Variants in HECTD4 observed in about 807,000 individuals in gnomAD.
HECTD4 encodes probable E3 ubiquitin-protein ligase HECTD4.
Under a neutral mutation model 471.5 loss-of-function variants are expected in HECTD4, and 114 were observed. The ratio of observed to expected loss-of-function variants is 0.24; its 90% CI spans 0.21 to 0.28. The LOEUF (loss-of-function observed/expected upper bound fraction) is 0.28, where lower values mean the gene tolerates loss of function less well. Among genes scored for constraint, HECTD4 ranks in the 10% least tolerant of loss-of-function variants. The pLI, the probability that HECTD4 is intolerant of heterozygous loss-of-function variation, is 1.00. For synonymous variants in HECTD4, 2,012 were observed against 2,256.0 expected, an observed-to-expected ratio of 0.89 and a Z score of 3.07; for missense variants, 3,866 against 5,651.5, an observed-to-expected ratio of 0.68 and a Z score of 10.13.
chr12:112,316,350 A>G (rs931575920), intron 2 of HECTD4, among the ~76,000 whole-genome samples: 1 of 152,106 alleles, frequency 6.6e-6, no homozygotes, highest in East Asian at 1.9e-4. Context: ...CTCCACAGTC[A>G]TTCTCTATCA....
In HECTD4 at chr12:112,172,781, T is replaced by C. The variant is rs370505974; in HGVS notation, c.11675A>G (p.Tyr3892Cys). 1 of 1,613,982 alleles carries C rather than the reference T, an allele frequency of 6.2e-7. No individual in the cohort carries two copies. Among genetic ancestry groups the C allele is most frequent in the South Asian group, 1.1e-5 (1 of 91,086 alleles). Residue 3892 changes from tyrosine (Y) to cysteine (C), a missense_variant, in exon 67 of 76, where the codon TAC (tyrosine) becomes TGC (cysteine). By Grantham distance (194) the Tyr-to-Cys change is radical (BLOSUM62 -2). Transcript: ENST00000682272. ...GAGGTGGCGGCATAGCTGGTTGATGTACTGCACAAGTGCCACGTCCATCTC... is the reference window on the plus strand; with the variant it reads ...GAGGTGGCGGCATAGCTGGTTGATGCACTGCACAAGTGCCACGTCCATCTC... ...TLEMDVALVQ[Y>C]INQLCRHLAI...
At chr12:112,232,934 T>C (rs1593958183) in intron 38 of HECTD4, 70 bp downstream of exon 38, 2 of 1,360,112 alleles carry the variant, frequency 1.5e-6, no homozygotes, top group Admixed American at 4.0e-5. Flanking sequence ...TCTTAATTTG[T>C]TCTGAAAATC....
rs1225676970 is a variant in HECTD4, at chr12:112,212,535, A to G, written c.7581T>C (p.Leu2527=). 1 of 1,613,894 alleles carries G rather than the reference A, an allele frequency of 6.2e-7. No individual in the cohort carries two copies. The highest frequency in any genetic ancestry group is 1.3e-5 in the African/African-American group (1 of 75,052). ...GCCACATGCCACCAGAGACGTCTTC[A>G]AGATATGGTGAGAGGCGCTGCCCGC... is the stretch of plus-strand genomic sequence containing the variant. The part of the protein sequence containing the change: ...TYCGQRLSPY[L]EDVSGGMWPV... Residue 2527 remains leucine, a synonymous_variant, in exon 49 of 76, where the codon CTT becomes CTC. Coordinates refer to ENST00000682272, the MANE Select transcript of HECTD4 (RefSeq NM_001388303.1).
intron 65 of HECTD4, among the ~76,000 whole-genome samples, chr12:112,176,117 T>C (rs1270819243): frequency 6.6e-6 from 1 of 152,238 alleles, no homozygotes; most frequent in African/African-American, 2.4e-5. Context: ...CCTCTTTCTA[T>C]GAATCTCTAA....
intron 38 of HECTD4, among the ~76,000 whole-genome samples, chr12:112,232,632 A>G (rs916972740): frequency 6.6e-6 from 1 of 152,020 alleles, no homozygotes; most frequent in South Asian, 2.1e-4. Flanking sequence ...ATATTTTTAT[A>G]TTTTTAATAA....
chr12:112,246,614 G>A (rs996881740), intron 29 of HECTD4, among the ~76,000 whole-genome samples: 17 of 152,116 alleles, frequency 1.1e-4, no homozygotes, highest in African/African-American at 3.6e-4. Context: ...TAGTCTGGGC[G>A]ACAGAGTGAG....
At position 112,248,003 on chromosome 12, in the gene HECTD4, C is replaced by CACAT. The variant is rs1226969315; in HGVS notation, c.4248+63_4248+64insATGT. ...ACACACACACACACACACACACACA[C>CACAT]ACAGTATATACCTTTGCTCTCTAAA... On this transcript the variant is annotated intron_variant, in intron 27 of 75. Transcript: ENST00000682272. The CACAT allele has an allele frequency of 7.1e-6, 8 of 1,133,566 alleles. No homozygotes were observed. The East Asian group carries it at 1.7e-4, about 25-fold the overall frequency. 70.2% of individuals were successfully genotyped at this position (1,133,566 alleles called of 1,614,324 possible).
rs1566110517 is a variant in HECTD4, at chr12:112,319,797, T to C, written c.178-55A>G. 1.1e-5 allele frequency: 13 copies of C among 1,192,294 alleles called. No homozygotes were observed. Among genetic ancestry groups the C allele is most frequent in the Non-Finnish European group, 1.4e-5 (13 of 949,584 alleles). 73.9% of individuals were successfully genotyped at this position (1,192,294 alleles called of 1,614,324 possible). The stretch of plus-strand genomic sequence containing the variant: ...AAATATTACTTTCACCAAAGTCATC[T>C]AAGGAAGAAAATATGTTTAATGATA... On this transcript the variant is annotated intron_variant, in intron 1 of 75. Coordinates refer to ENST00000682272, the MANE Select transcript of HECTD4 (RefSeq NM_001388303.1). This position sits in a 1 kb window ranked among gnomAD's most constrained non-coding sequence, Gnocchi z 5.3.
At chr12:112,359,465 A>G (rs1197492577) in intron 1 of HECTD4, among the ~76,000 whole-genome samples, 85 of 152,166 alleles carry the variant, frequency 5.6e-4, no homozygotes, top group Non-Finnish European at 5.9e-5. Context: ...TGTCGCCCAC[A>G]CTGGAGTGCA....
chr12:112,266,141 G>A (rs529893612), intron 14 of HECTD4, among the ~76,000 whole-genome samples, 158 bp from the exon 15 acceptor site: 1 of 152,270 alleles, frequency 6.6e-6, no homozygotes, highest in Admixed American at 6.5e-5. Context: ...ACATCACAAC[G>A]AATCCGACTT....
In HECTD4 at chr12:112,184,817, G is replaced by A. The variant is rs1237313932; in HGVS notation, c.10149C>T (p.Ala3383=). The part of the protein sequence containing the change: ...QGLGVTSDAI[A]DACQALVGPT... ...GGCCCACCAGGGCCTGGCAGGCATC[G>A]GCGATGGCGTCACTCGTCACGCCCA... Residue 3383 remains alanine, a synonymous_variant, in exon 61 of 76, where the codon GCC becomes GCT. Transcript: ENST00000682272. This position sits in a 1 kb window ranked among gnomAD's most constrained non-coding sequence, Gnocchi z 9.1. The A allele has an allele frequency of 1.9e-6, 3 of 1,609,614 alleles. No individual in the cohort carries two copies. Among genetic ancestry groups the A allele is most frequent in the African/African-American group, 1.3e-5 (1 of 74,994 alleles).
chr12:112,208,610 A>C lies in HECTD4; in HGVS notation c.7888T>G (p.Cys2630Gly). Residue 2630 changes from cysteine to glycine, a missense_variant, in exon 51 of 76, where the codon TGT becomes GGT. Transcript: ENST00000682272. Reference protein sequence around the residue: ...AQQQYDSDTSCHYKVELSYEN... With the variant: ...AQQQYDSDTSGHYKVELSYEN... The stretch of plus-strand genomic sequence containing the variant: ...TAGCTGAGCTCGACTTTATAATGAC[A>C]GGAGGTGTCACTATCATATTCTGTA... 6.3e-7 allele frequency: 1 copy of C among 1,598,872 alleles called. No individual in the cohort carries two copies. The highest frequency in any genetic ancestry group is 8.5e-7 in the Non-Finnish European group (1 of 1,174,500).
intron 48 of HECTD4, 85 bp downstream of exon 48, chr12:112,216,207 T>G (rs1676304393): frequency 1.1e-6 from 1 of 895,592 alleles, no homozygotes; most frequent in Admixed American, 2.3e-5. Flanking sequence ...TTCCAATTGC[T>G]AAATTTATTC....
intron 1 of HECTD4, among the ~76,000 whole-genome samples, chr12:112,357,372 G>A (rs1411272969): frequency 2.6e-5 from 4 of 152,182 alleles, no homozygotes; most frequent in African/African-American, 4.8e-5. Flanking sequence ...CAGATAAAAC[G>A]CCAATAGGCT....
At chr12:112,362,349 T>C (rs1305897266) in intron 1 of HECTD4, among the ~76,000 whole-genome samples, 1 of 152,214 alleles carries the variant, frequency 6.6e-6, no homozygotes, top group Non-Finnish European at 1.5e-5. Flanking sequence ...TACTTTAATA[T>C]TCTCAAAAAT....
At position 112,184,283 on chromosome 12, in the gene HECTD4, C is replaced by A. The variant is rs752290944; in HGVS notation, c.10683G>T (p.Thr3561=). ...TGGAGCCCATGTCCGACACCGAGGC[C>A]GTCTCTGCATTGTCCAGGGGCTCCC... ...SLGEPLDNAE[T]ASVSDMGSMY... The change falls in exon 61 of 76, where the codon ACG becomes ACT. Residue 3561 remains threonine (T), a synonymous_variant. Coordinates refer to ENST00000682272, the MANE Select transcript of HECTD4 (RefSeq NM_001388303.1). The surrounding 1 kb of genome is among the most constrained non-coding windows in gnomAD (Gnocchi z 9.1). The A allele has an allele frequency of 8.1e-6, 13 of 1,613,382 alleles. No individual in the cohort carries two copies. The highest frequency in any genetic ancestry group is 1.6e-4 in the Middle Eastern group (1 of 6,084).
At chr12:112,325,934 C>G (rs948104909) in intron 1 of HECTD4, among the ~76,000 whole-genome samples, 1 of 151,654 alleles carries the variant, frequency 6.6e-6, no homozygotes, top group Non-Finnish European at 1.5e-5. Context: ...GTAGCTGGAA[C>G]CACAGGCCTG....
At chr12:112,234,984 G>A (rs1292998610) in intron 37 of HECTD4, 93 bp downstream of exon 37, 4 of 1,137,618 alleles carry the variant, frequency 3.5e-6, no homozygotes, top group Non-Finnish European at 4.9e-6. Context: ...AGAGGGCCGA[G>A]GCAGTCGATA....
chr12:112,184,125 A>G lies in HECTD4; in HGVS notation c.10779+62T>C, dbSNP rs2031771886. 6 of 1,430,720 alleles carry G rather than the reference A, an allele frequency of 4.2e-6. No individual in the cohort carries two copies. Among genetic ancestry groups the G allele is most frequent in the Non-Finnish European group, 4.8e-6 (5 of 1,049,248 alleles). The allele number at this position is 1,430,720 out of a possible 1,614,324, so 88.6% of individuals were successfully genotyped here. ...TAGGAAATAACTTTGGAAGATTTAA[A>G]GAGGCTTGGGGGATTGAAATGGGTC... On this transcript the variant is annotated intron_variant, in intron 61 of 75. Coordinates refer to ENST00000682272, the MANE Select transcript of HECTD4 (RefSeq NM_001388303.1). This position sits in a 1 kb window ranked among gnomAD's most constrained non-coding sequence, Gnocchi z 9.1.
Sources: allele counts gnomAD v4.1 joint callset (sites outside exome capture counted in the v4.1 genomes callset), GRCh38; gene constraint gnomAD v4.1.1; non-coding constraint Gnocchi (gnomAD v3.1); transcripts MANE v1.5; gene names NCBI Gene and HGNC (gene_info 2026-07-23, HGNC 2026-07-21).